The following ZGRF1 variants were observed in gnomAD, a reference collection of about 807,000 sequenced individuals.
ZGRF1 encodes 5'-3' DNA helicase ZGRF1.
A neutral mutation model predicts 203.5 loss-of-function variants in ZGRF1; 196 were observed. The observed-to-expected ratio is 0.96, with a 90% CI of 0.86 to 1.08. The LOEUF is 1.08. Among genes scored for constraint, ZGRF1 ranks in the 50% least tolerant of loss-of-function variants. The probability of loss-of-function intolerance (pLI) is 0.00; values close to 1 mark genes in which losing one functional copy is unlikely to be tolerated. For synonymous variants in ZGRF1, 809 were observed against 841.3 expected (o/e 0.96, Z 0.66); for missense variants, 2,326 against 2,416.3 (o/e 0.96, Z 0.78).
rs187088700 is a variant in ZGRF1 at position 112,626,837 on chromosome 4, G to A, written c.103-2961C>T. ...TTTTCTTTTTTTGAGACTGAGTCTT[G>A]CTCTATTGCTCAAGCTACAGTGCAG... On this transcript the variant is annotated intron_variant, in intron 3 of 27. Transcript: ENST00000505019. Among the ~76,000 whole-genome samples, 38 of 151,760 alleles carry A rather than the reference G, an allele frequency of 2.5e-4. No individual in the cohort carries two copies. In the Middle Eastern group the frequency reaches 0.014, roughly 54 times the overall value.
chr4:112,622,213 A>T (rs2047083453), intron 4 of ZGRF1, among the ~76,000 whole-genome samples: 1 of 152,030 alleles, frequency 6.6e-6, no homozygotes, highest in African/African-American at 2.4e-5. Context: ...TATGCATTTT[A>T]ACACATTTAG....
At position 112,587,443 on chromosome 4, in the gene ZGRF1, A is replaced by G. The variant is rs766932452; in HGVS notation, c.3614T>C (p.Ile1205Thr). 1.9e-6 allele frequency: 3 copies of G among 1,613,862 alleles called. No individual in the cohort carries two copies. Among genetic ancestry groups the G allele is most frequent in the Non-Finnish European group, 2.5e-6 (3 of 1,179,874 alleles). Residue 1205 changes from isoleucine (I) to threonine (T), a missense_variant, in exon 12 of 28, where the codon ATA (isoleucine) becomes ACA (threonine). Transcript: ENST00000505019. ...SSLDSVHLQM[I>T]KGMLYQQRQD... ...CCGCTGTTGATAGAGCATGCCTTTTATCATTTGCAAATGCACAGAGTCTAA... is the reference window on the plus strand; with the variant it reads ...CCGCTGTTGATAGAGCATGCCTTTTGTCATTTGCAAATGCACAGAGTCTAA...
intron 1 of ZGRF1, 66 bp from the exon 2 acceptor site, chr4:112,633,308 C>G: frequency 5.6e-6 from 4 of 715,832 alleles, no homozygotes; most frequent in Admixed American, 2.8e-5. Context: ...TAATTTTTCT[C>G]AATAAACTCC....
intron 16 of ZGRF1, among the ~76,000 whole-genome samples, chr4:112,568,815 A>C (rs1178084556): frequency 6.6e-6 from 1 of 151,942 alleles, no homozygotes; most frequent in Admixed American, 6.6e-5. Context: ...AGAGATCGAG[A>C]CCATCCTGGC....
At chr4:112,563,792 C>T (rs559580036) in intron 16 of ZGRF1, among the ~76,000 whole-genome samples, 2 of 152,180 alleles carry the variant, frequency 1.3e-5, no homozygotes, top group African/African-American at 4.8e-5. Flanking sequence ...GCTAAAAAGC[C>T]CAAGATCAAG....
intron 6 of ZGRF1, among the ~76,000 whole-genome samples, chr4:112,615,137 G>A (rs890861721): frequency 1.3e-5 from 2 of 152,102 alleles, no homozygotes; most frequent in Non-Finnish European, 2.9e-5. Context: ...CTAGTTATGT[G>A]TTTGCAGTGA....
intron 21 of ZGRF1, 98 bp from the exon 22 acceptor site, chr4:112,554,080 T>C: frequency 9.1e-7 from 1 of 1,101,584 alleles, no homozygotes; most frequent in Non-Finnish European, 1.3e-6. Flanking sequence ...TACTTTAAGT[T>C]TTAGGGTACA....
Position 112,539,509 on chromosome 4 carries a change from G to T in ZGRF1, c.*38C>A. On this transcript the variant is annotated 3_prime_UTR_variant, in exon 28 of 28. Transcript: ENST00000505019. ...AAAATATATCATGTAAAATGAGTCTGAATTTACATAAATACAAAATATTTA... is the reference window on the plus strand; with the variant it reads ...AAAATATATCATGTAAAATGAGTCTTAATTTACATAAATACAAAATATTTA... 9.6e-7 allele frequency: 1 copy of T among 1,038,146 alleles called. No individual in the cohort carries two copies. The highest frequency in any genetic ancestry group is 1.4e-6 in the Non-Finnish European group (1 of 705,704). 64.3% of individuals were successfully genotyped at this position (1,038,146 alleles called of 1,614,324 possible).
chr4:112,612,719 A>G (rs976366697), intron 6 of ZGRF1, 131 bp from the exon 7 acceptor site: 54 of 573,426 alleles, frequency 9.4e-5, no homozygotes, highest in Non-Finnish European at 1.4e-4. Flanking sequence ...TAATTGTTCA[A>G]TCTGGAATGT....
rs139693017 is a variant in ZGRF1 at position 112,540,338 on chromosome 4, T to C, written c.5911-214A>G. On this transcript the variant is annotated intron_variant, in intron 26 of 27. Transcript: ENST00000505019. Reference sequence around the variant, plus strand: ...ACAAAATCAAAAGCAATTTATCTATTGCTGGGTAACTCATTTGGATATGCT... The same window carrying C: ...ACAAAATCAAAAGCAATTTATCTATCGCTGGGTAACTCATTTGGATATGCT... Among the ~76,000 whole-genome samples the C allele has an allele frequency of 1.8e-3, 271 of 152,338 alleles. 1 individual carries two copies. The highest frequency in any genetic ancestry group is 6.3e-3 in the African/African-American group (261 of 41,592).
chr4:112,547,994 T>C (rs62316566), intron 23 of ZGRF1, among the ~76,000 whole-genome samples: 9,889 of 152,100 alleles, frequency 0.065, 481 homozygotes, highest in East Asian at 0.23. Context: ...CAGGCTGGAG[T>C]GCAGTCGTTC....
chr4:112,546,138 G>T (rs554919521), intron 24 of ZGRF1, among the ~76,000 whole-genome samples: 1 of 151,174 alleles, frequency 6.6e-6, no homozygotes, highest in African/African-American at 2.4e-5. Context: ...CTCAAAAAGT[G>T]AAAGAAGACA....
Position 112,618,013 on chromosome 4 carries a change from A to G in ZGRF1, c.2029T>C (p.Leu677=), listed in dbSNP as rs2046941320. 1.2e-6 allele frequency: 2 copies of G among 1,612,782 alleles called. No homozygotes were observed. The highest frequency in any genetic ancestry group is 1.7e-6 in the Non-Finnish European group (2 of 1,179,744). ...ATACCTTTAGATTTATTCGGGGGTA[A>G]AGCAAAATCATAGTTAATTCTGACT... ...QEVRINYDFA[L]PPNKSKGINM... Residue 677 remains leucine (L), a synonymous_variant, in exon 6 of 28, where the codon TTA becomes CTA. Coordinates refer to ENST00000505019, the MANE Select transcript of ZGRF1 (RefSeq NM_018392.5).
chr4:112,612,567 A>G lies in ZGRF1; in HGVS notation c.2624T>C (p.Val875Ala), dbSNP rs1004174701. ...CAGATGAGGAGACTTTGGTGAAACT[A>G]CTGTAATAAATGGTTTCCTCACTGT... ...PPEVRKPFIT[V>A]VSPKSPHLHK... The change falls in exon 7 of 28, where the codon GTA becomes GCA. Residue 875 changes from valine (V) to alanine (A), a missense_variant. Physicochemically the swap from Val to Ala is moderately conservative, Grantham distance 64. Coordinates refer to ENST00000505019, the MANE Select transcript of ZGRF1 (RefSeq NM_018392.5). 1.2e-6 allele frequency: 2 copies of G among 1,606,176 alleles called. No homozygotes were observed. The highest frequency in any genetic ancestry group is 1.3e-5 in the African/African-American group (1 of 74,884).
intron 16 of ZGRF1, among the ~76,000 whole-genome samples, chr4:112,570,779 T>G (rs1475658299): frequency 1.3e-5 from 2 of 151,948 alleles, no homozygotes; most frequent in East Asian, 3.9e-4. Flanking sequence ...TAAAACAAAC[T>G]GAATTATAAT....
chr4:112,575,446 G>A (rs1268355015), intron 16 of ZGRF1, among the ~76,000 whole-genome samples: 5 of 152,166 alleles, frequency 3.3e-5, no homozygotes, highest in Non-Finnish European at 5.9e-5. Flanking sequence ...AGTGGGTGCA[G>A]TGCACCGAGC....
intron 7 of ZGRF1, 54 bp downstream of exon 7, chr4:112,612,470 T>C (rs2149130473): frequency 8.7e-7 from 1 of 1,147,316 alleles, no homozygotes; most frequent in Non-Finnish European, 1.3e-6. Flanking sequence ...TTACAAATTA[T>C]AGAACATTCT....
chr4:112,581,089 T>C (rs1463715139), intron 16 of ZGRF1, among the ~76,000 whole-genome samples: 2 of 152,028 alleles, frequency 1.3e-5, no homozygotes, highest in Non-Finnish European at 2.9e-5. Flanking sequence ...CACGGAGTAC[T>C]ATGCAGCCAT....
chr4:112,548,410 A>C, intron 22 of ZGRF1, 30 bp from the exon 23 acceptor site: 1 of 1,517,906 alleles, frequency 6.6e-7, no homozygotes, highest in East Asian at 2.5e-5. Context: ...TTATTAATTA[A>C]CAATTATTAA....
Sources: gnomAD v4.1 joint callset for allele counts (sites outside exome capture counted in the v4.1 genomes callset) on GRCh38, gnomAD v4.1.1 for gene constraint, MANE v1.5 for transcripts, NCBI Gene and HGNC (gene_info 2026-07-23, HGNC 2026-07-21) for gene names.